The following EHBP1 variants were observed in gnomAD, a reference collection of about 807,000 sequenced individuals.
The protein encoded by EHBP1 is EH domain binding protein 1.
EHBP1 carries 55 observed loss-of-function variants against 144.0 expected under a neutral mutation model. The ratio of observed to expected loss-of-function variants is 0.38; its 90% CI spans 0.31 to 0.48. The LOEUF (loss-of-function observed/expected upper bound fraction) is 0.48, where lower values mean the gene tolerates loss of function less well. Ranked by LOEUF, EHBP1 falls within the 20% of genes least tolerant of loss-of-function variation. The pLI is 0.98. For synonymous variants in EHBP1, 469 were observed against 472.7 expected, an observed-to-expected ratio of 0.99 and a Z score of 0.10; for missense variants, 1,200 against 1,364.2, an observed-to-expected ratio of 0.88 and a Z score of 1.90.
At chr2:62,844,625 C>T (rs950019887) in intron 7 of EHBP1, among the ~76,000 whole-genome samples, 7 of 152,088 alleles carry the variant, frequency 4.6e-5, no homozygotes, top group Admixed American at 2.0e-4. Flanking sequence ...TGTTGAATTT[C>T]TGAATACACA....
Position 62,705,964 on chromosome 2 carries a change from T to TGGC in EHBP1, c.-374_-372dup, listed in dbSNP as rs1042127049. 9 of 161,654 alleles carry TGGC rather than the reference T, an allele frequency of 5.6e-5. No homozygotes were observed. Among genetic ancestry groups the TGGC allele is most frequent in the Non-Finnish European group, 1.0e-4 (8 of 78,256 alleles). 10.0% of individuals were successfully genotyped at this position (161,654 alleles called of 1,614,324 possible). ...GCTCCGGCGGGGATGGAGGACTCGG[T>TGGC]GGCGGCGGCGGCTGCTGCTGCGGCG... On this transcript the variant is annotated 5_prime_UTR_variant, in exon 1 of 23. Transcript: ENST00000431489.
intron 1 of EHBP1, among the ~76,000 whole-genome samples, chr2:62,682,222 A>G (rs1180056427): frequency 6.6e-6 from 1 of 152,260 alleles, no homozygotes; most frequent in Non-Finnish European, 1.5e-5. Context: ...TTAAGATATC[A>G]AATAAAAGAT....
chr2:62,852,523 C>A (rs1573715791), intron 7 of EHBP1, among the ~76,000 whole-genome samples: 1 of 151,818 alleles, frequency 6.6e-6, no homozygotes, highest in Non-Finnish European at 1.5e-5. Flanking sequence ...AATAATAATT[C>A]TTTTTTGATT....
rs2055834746 is a variant in EHBP1 at position 62,929,766 on chromosome 2, A to G, written c.1186-12952A>G. On this transcript the variant is annotated intron_variant, in intron 10 of 22. Coordinates refer to ENST00000431489, the MANE Select transcript of EHBP1 (RefSeq NM_001142616.3). ...AGGTATTCAAATCAGAAAGGAAGGC[A>G]TAAGATTATCTCTGTTTGCTGATGA... Among the ~76,000 whole-genome samples, 3 of 152,276 alleles carry G rather than the reference A, an allele frequency of 2.0e-5. No individual in the cohort carries two copies. In the South Asian group the frequency reaches 6.2e-4, roughly 32 times the overall value.
chr2:62,850,796 T>A (rs1172829180), intron 7 of EHBP1, among the ~76,000 whole-genome samples: 2 of 152,214 alleles, frequency 1.3e-5, no homozygotes, highest in Non-Finnish European at 2.9e-5. Context: ...TCTTTTAAGT[T>A]AATTTTTTCC....
At chr2:62,728,491 G>A (rs1410578606) in intron 2 of EHBP1, among the ~76,000 whole-genome samples, 1 of 152,136 alleles carries the variant, frequency 6.6e-6, no homozygotes, top group Non-Finnish European at 1.5e-5. Context: ...TCTAATTGCT[G>A]AACCATGTTG....
At chr2:62,690,072 G>C (rs1387251639) in intron 1 of EHBP1, among the ~76,000 whole-genome samples, 2 of 152,166 alleles carry the variant, frequency 1.3e-5, no homozygotes, top group Admixed American at 1.3e-4. Flanking sequence ...GTTTCAGGCA[G>C]ACCTGCTGAA....
rs544588504 is a variant in EHBP1, at chr2:62,673,904, G to A, written c.-475G>A. The A allele has an allele frequency of 7.5e-6, 3 of 398,642 alleles. No homozygotes were observed. In the East Asian group the frequency reaches 2.1e-4, roughly 29 times the overall value. The allele number at this position is 398,642 out of a possible 1,614,324, so 24.7% of individuals were successfully genotyped here. On this transcript the variant is annotated 5_prime_UTR_variant, in exon 1 of 23. Transcript: ENST00000405015. ...ACATCTGACTCTCCCTCCCCAAAGA[G>A]AGACTCCAGCGAGAGACTGGGGATT...
chr2:62,773,212 G>A (rs549551966), intron 5 of EHBP1, among the ~76,000 whole-genome samples: 2 of 152,220 alleles, frequency 1.3e-5, no homozygotes, highest in East Asian at 1.9e-4. Flanking sequence ...GACGAGAATG[G>A]GGTAGATCTC....
intron 1 of EHBP1, among the ~76,000 whole-genome samples, chr2:62,680,808 T>TA (rs1416963121): frequency 9.2e-5 from 14 of 152,138 alleles, no homozygotes; most frequent in African/African-American, 3.4e-4. Flanking sequence ...TCGTGGGATA[T>TA]AAGTCCTATC....
In EHBP1 at chr2:62,829,442, C is replaced by T. The variant is rs546908956; in HGVS notation, c.495-1577C>T. Among the ~76,000 whole-genome samples, 23 of 151,844 alleles carry T rather than the reference C, an allele frequency of 1.5e-4. No individual in the cohort carries two copies. The South Asian group carries it at 2.5e-3, about 16-fold the overall frequency. ...CCCCATAGCTTAGCTCCCACTTACA[C>T]GTGAGAACATACGATGTTTGGTTTT... On this transcript the variant is annotated intron_variant, in intron 6 of 22. Transcript: ENST00000431489.
intron 10 of EHBP1, among the ~76,000 whole-genome samples, chr2:62,905,071 G>A (rs754513500): frequency 6.6e-6 from 1 of 152,180 alleles, no homozygotes; most frequent in Non-Finnish European, 1.5e-5. Context: ...CTATGAAGGT[G>A]ATGTTTAAGT....
chr2:63,023,035 G>A lies in EHBP1; in HGVS notation c.3104-14500G>A, dbSNP rs549529250. Among the ~76,000 whole-genome samples the A allele has an allele frequency of 9.2e-5, 14 of 152,186 alleles. No individual in the cohort carries two copies. In the East Asian group the frequency reaches 2.1e-3, roughly 23 times the overall value. On this transcript the variant is annotated intron_variant, in intron 19 of 22. Coordinates refer to ENST00000431489, the MANE Select transcript of EHBP1 (RefSeq NM_001142616.3). Reference sequence around the variant, plus strand: ...CTAAATATTCAATAATTAGCTGGGCGTGGTGGTGTGCACCTGTAATCCTAG... The same window carrying A: ...CTAAATATTCAATAATTAGCTGGGCATGGTGGTGTGCACCTGTAATCCTAG...
intron 15 of EHBP1, among the ~76,000 whole-genome samples, chr2:62,980,584 T>C (rs2058919979): frequency 6.6e-6 from 1 of 152,282 alleles, no homozygotes; most frequent in South Asian, 2.1e-4. Context: ...AAAATTCTAA[T>C]GCTTATAACA....
chr2:62,691,280 TGA>T (rs2033895106), intron 1 of EHBP1, among the ~76,000 whole-genome samples: 1 of 152,236 alleles, frequency 6.6e-6, no homozygotes, highest in African/African-American at 2.4e-5. Flanking sequence ...TACAAATTTG[TGA>T]GAGACCCAGG....
intron 10 of EHBP1, among the ~76,000 whole-genome samples, chr2:62,894,873 G>GC (rs1289263401): frequency 6.6e-6 from 1 of 150,902 alleles, no homozygotes; most frequent in Non-Finnish European, 1.5e-5. Context: ...AGCTATGATT[G>GC]CCCCACTGCA....
chr2:62,713,846 A>T (rs1158684241), intron 2 of EHBP1, among the ~76,000 whole-genome samples: 1 of 152,174 alleles, frequency 6.6e-6, no homozygotes, highest in Non-Finnish European at 1.5e-5. Context: ...GATTTTTTTT[A>T]AATTGTAATT....
chr2:62,984,852 T>G (rs1266747116), intron 15 of EHBP1, among the ~76,000 whole-genome samples: 1 of 152,180 alleles, frequency 6.6e-6, no homozygotes, highest in Non-Finnish European at 1.5e-5. Context: ...TTTAACATCA[T>G]ACAGGAACCT....
At chr2:62,966,203 A>G (rs989519360) in intron 14 of EHBP1, among the ~76,000 whole-genome samples, 1 of 152,220 alleles carries the variant, frequency 6.6e-6, no homozygotes, top group Non-Finnish European at 1.5e-5. Flanking sequence ...TTCCATGCTT[A>G]GATTAAAAGG....
Sources: gnomAD v4.1 joint callset for allele counts (sites outside exome capture counted in the v4.1 genomes callset) on GRCh38, gnomAD v4.1.1 for gene constraint, MANE v1.5 for transcripts, NCBI Gene and HGNC (gene_info 2026-07-23, HGNC 2026-07-21) for gene names.